CATSPERE: variants seen among roughly 807,000 people sequenced by gnomAD.
CATSPERE encodes cation channel sperm-associated auxiliary subunit epsilon.
CATSPERE carries 93 observed loss-of-function variants against 114.1 expected under a neutral mutation model. The observed-to-expected ratio is 0.81, with a 90% CI of 0.69 to 0.97. The LOEUF (loss-of-function observed/expected upper bound fraction) is 0.97, where lower values mean the gene tolerates loss of function less well. CATSPERE is among the 50% of genes least tolerant of loss of function. CATSPERE has a pLI of 0.00. For synonymous variants in CATSPERE, 341 were observed against 384.1 expected, an observed-to-expected ratio of 0.89 and a Z score of 1.31; for missense variants, 1,058 against 1,131.6, an observed-to-expected ratio of 0.93 and a Z score of 0.93.
intron 18 of CATSPERE, 108 bp downstream of exon 18, chr1:244,605,902 G>A: frequency 1.5e-6 from 1 of 647,164 alleles, no homozygotes; most frequent in African/African-American, 1.9e-5. Context: ...AGGCAGCAGT[G>A]GGTAGGAAAA....
chr1:244,525,052 C>A (rs909824106), intron 8 of CATSPERE, among the ~76,000 whole-genome samples: 2 of 145,692 alleles, frequency 1.4e-5, no homozygotes, highest in African/African-American at 5.4e-5. Flanking sequence ...ATGTTTATTG[C>A]GGCATTATTC....
At chr1:244,598,074 A>G (rs1668682267) in intron 17 of CATSPERE, among the ~76,000 whole-genome samples, 1 of 152,184 alleles carries the variant, frequency 6.6e-6, no homozygotes. Flanking sequence ...CAGTATTAAA[A>G]TATATTCATA....
intron 8 of CATSPERE, among the ~76,000 whole-genome samples, chr1:244,543,588 A>G (rs1409940524): frequency 6.7e-6 from 1 of 149,618 alleles, no homozygotes; most frequent in East Asian, 1.9e-4. Context: ...GATTATAGTC[A>G]ATAACAGTAA....
At chr1:244,631,033 C>T (rs893854996) in intron 20 of CATSPERE, among the ~76,000 whole-genome samples, 1 of 151,956 alleles carries the variant, frequency 6.6e-6, no homozygotes, top group African/African-American at 2.4e-5. Flanking sequence ...TCTGTGTAAC[C>T]CTTCCTCTCC....
At chr1:244,608,396 TGTG>T (rs1374398505) in intron 18 of CATSPERE, among the ~76,000 whole-genome samples, 5 of 151,530 alleles carry the variant, frequency 3.3e-5, no homozygotes, top group South Asian at 4.2e-4. Flanking sequence ...ATTAGCCAGG[TGTG>T]GTGATGCACA....
intron 13 of CATSPERE, among the ~76,000 whole-genome samples, chr1:244,585,573 G>A (rs4399136): frequency 0.17 from 25,315 of 152,092 alleles, 2,888 homozygotes; most frequent in East Asian, 0.41. Context: ...CCTTCCTTGT[G>A]CTCCCACACT....
intron 8 of CATSPERE, among the ~76,000 whole-genome samples, chr1:244,542,512 A>G (rs1165022374): frequency 1.3e-5 from 2 of 151,878 alleles, no homozygotes; most frequent in African/African-American, 4.8e-5. Context: ...CCCACTGTCT[A>G]TTATTTCCAT....
chr1:244,613,037 A>C (rs561124497), intron 19 of CATSPERE, among the ~76,000 whole-genome samples: 1 of 152,330 alleles, frequency 6.6e-6, no homozygotes, highest in Non-Finnish European at 1.5e-5. Context: ...GGAAATAGGA[A>C]ACAATATAAA....
rs1056371660 is a variant in CATSPERE, at chr1:244,483,293, A to G, written c.326+3509A>G. Among the ~76,000 whole-genome samples, 5 of 152,314 alleles carry G rather than the reference A, an allele frequency of 3.3e-5. No homozygotes were observed. In the East Asian group the frequency reaches 9.6e-4, roughly 29 times the overall value. Reference sequence around the variant, plus strand: ...ATTTACATGTGCATTATAGTTGGAGAAGTAGTACTGATTTAATGCATATAA... The same window carrying G: ...ATTTACATGTGCATTATAGTTGGAGGAGTAGTACTGATTTAATGCATATAA... On this transcript the variant is annotated intron_variant, in intron 5 of 21. Coordinates refer to ENST00000366534, the MANE Select transcript of CATSPERE (RefSeq NM_001130957.2).
rs151308046 is a variant in CATSPERE at position 244,575,305 on chromosome 1, C to T, written c.1950+2533C>T. ...AAGTTGTACGATCATGCTCTTTCACCTCCTCTGCTCTCCTCCTGGCACCAG... is the reference window on the plus strand; with the variant it reads ...AAGTTGTACGATCATGCTCTTTCACTTCCTCTGCTCTCCTCCTGGCACCAG... On this transcript the variant is annotated intron_variant, in intron 11 of 21. Coordinates refer to ENST00000366534, the MANE Select transcript of CATSPERE (RefSeq NM_001130957.2). The surrounding 1 kb of genome is among the most constrained non-coding windows in gnomAD (Gnocchi z 4.5). 9.4e-3 allele frequency among the ~76,000 whole-genome samples: 1,437 copies of T among 152,328 alleles called. 96 individuals are homozygous for T. The highest frequency in any genetic ancestry group is 0.087 in the Admixed American group (1,328 of 15,310).
intron 7 of CATSPERE, among the ~76,000 whole-genome samples, chr1:244,516,406 A>C (rs967822215): frequency 6.6e-6 from 1 of 151,880 alleles, no homozygotes; most frequent in Admixed American, 6.6e-5. Context: ...GGAGTGTAGT[A>C]GTGTGATTAT....
chr1:244,470,518 T>C (rs1250567185), intron 2 of CATSPERE, among the ~76,000 whole-genome samples: 1 of 152,124 alleles, frequency 6.6e-6, no homozygotes, highest in African/African-American at 2.4e-5. Flanking sequence ...TAATAACAAG[T>C]GTTCGTGGGG....
chr1:244,451,635 C>T, upstream of CATSPERE: 1 of 1,608,642 alleles, frequency 6.2e-7, no homozygotes. The surrounding 1 kb of genome is among the most constrained non-coding windows in gnomAD (Gnocchi z 6.6). Flanking sequence ...GTCGCCTCAC[C>T]TGGCAGCGGC....
chr1:244,451,817 T>A, upstream of CATSPERE: 1 of 1,583,288 alleles, frequency 6.3e-7, no homozygotes, highest in Non-Finnish European at 8.6e-7. The surrounding 1 kb of genome is among the most constrained non-coding windows in gnomAD (Gnocchi z 6.6). Flanking sequence ...GCGAACGCCA[T>A]GGCTCCAGTG....
chr1:244,606,000 G>GA (rs35368295), intron 18 of CATSPERE, among the ~76,000 whole-genome samples: 3 of 152,054 alleles, frequency 2.0e-5, no homozygotes, highest in Middle Eastern at 3.4e-3. Flanking sequence ...AAAGGGGTCA[G>GA]AAAAAAAATA....
intron 9 of CATSPERE, among the ~76,000 whole-genome samples, chr1:244,558,251 T>C (rs1429746194): frequency 6.6e-6 from 1 of 150,654 alleles, no homozygotes; most frequent in Non-Finnish European, 1.5e-5. Context: ...AAGTTGATTC[T>C]CCTGCCTCAG....
At chr1:244,524,078 C>CT (rs1678091842) in intron 8 of CATSPERE, among the ~76,000 whole-genome samples, 2 of 151,590 alleles carry the variant, frequency 1.3e-5, no homozygotes, top group East Asian at 3.8e-4. Flanking sequence ...CACTACCTGA[C>CT]TTCAAACTAT....
intron 17 of CATSPERE, among the ~76,000 whole-genome samples, chr1:244,603,999 A>G (rs1445730670): frequency 6.6e-6 from 1 of 152,228 alleles, no homozygotes; most frequent in Non-Finnish European, 1.5e-5. Flanking sequence ...TCTCTAAAAT[A>G]CCAATAAATG....
chr1:244,532,334 T>C (rs1679744970), intron 8 of CATSPERE, among the ~76,000 whole-genome samples: 1 of 152,172 alleles, frequency 6.6e-6, no homozygotes, highest in African/African-American at 2.4e-5. Flanking sequence ...TTGTTATTTC[T>C]TTTCTTCCAC....
Sources: gnomAD v4.1 joint callset for allele counts (sites outside exome capture counted in the v4.1 genomes callset) on GRCh38, gnomAD v4.1.1 for gene constraint, Gnocchi (gnomAD v3.1) non-coding constraint, MANE v1.5 for transcripts, NCBI Gene and HGNC (gene_info 2026-07-23, HGNC 2026-07-21) for gene names.